The following TINAG variants were observed in gnomAD, a reference collection of about 807,000 sequenced individuals.
The protein encoded by TINAG is tubulointerstitial nephritis antigen.
In TINAG, 83 loss-of-function variants were observed where a neutral mutation model predicts 72.7. The ratio of observed to expected loss-of-function variants is 1.14; its 90% CI spans 0.96 to 1.37. TINAG has a LOEUF of 1.37. Ranked by LOEUF, TINAG falls within the 40% of genes most tolerant of loss-of-function variation. The probability of loss-of-function intolerance (pLI) is 0.00; values close to 1 mark genes in which losing one functional copy is unlikely to be tolerated. For missense variants in TINAG, 685 were observed against 576.6 expected (o/e 1.19, Z -1.93); for synonymous variants, 234 against 189.9 (o/e 1.23, Z -1.91).
chr6:54,321,177 A>G, intron 2 of TINAG, 120 bp from the exon 3 acceptor site: 1 of 779,778 alleles, frequency 1.3e-6, no homozygotes, highest in Non-Finnish European at 2.2e-6. Context: ...TCAAATAACC[A>G]TATGGCTAAC....
At chr6:54,308,087 T>A (rs1784152920), upstream of TINAG, 1 of 1,549,892 alleles carries the variant, frequency 6.5e-7, no homozygotes, top group African/African-American at 1.4e-5. Context: ...GATGTTCGTT[T>A]CAATGCAGGC....
At chr6:54,372,743 T>C (rs9367568) in intron 9 of TINAG, among the ~76,000 whole-genome samples, 1 of 9,578 alleles carries the variant, frequency 1.0e-4, no homozygotes, top group Admixed American at 4.0e-4. Context: ...TATATATATA[T>C]ATATATATAT....
Position 54,326,794 on chromosome 6 carries a change from T to C in TINAG, c.510-8T>C. On this transcript the variant is annotated splice_region_variant and splice_polypyrimidine_tract_variant and intron_variant, in intron 3 of 10. Coordinates refer to ENST00000259782, the MANE Select transcript of TINAG (RefSeq NM_014464.4). Reference sequence around the variant, plus strand: ...TTTTTCTATATTTTTCTCTCATTTGTAAGGCAGATGGACAGCACAGAATTA... The same window carrying C: ...TTTTTCTATATTTTTCTCTCATTTGCAAGGCAGATGGACAGCACAGAATTA... 18 of 1,580,626 alleles carry C rather than the reference T, an allele frequency of 1.1e-5. No individual in the cohort carries two copies. The highest frequency in any genetic ancestry group is 1.5e-5 in the Non-Finnish European group (18 of 1,167,182).
chr6:54,326,753 A>C lies in TINAG; in HGVS notation c.510-49A>C, dbSNP rs1163045745. On this transcript the variant is annotated intron_variant, in intron 3 of 10. Transcript: ENST00000259782. ...AAAATGTATTTATAAAAGTGATGTC[A>C]TATAACCTGTATATATTTTTCTATA... 5 of 1,361,058 alleles carry C rather than the reference A, an allele frequency of 3.7e-6. No individual in the cohort carries two copies. The Admixed American group carries it at 1.2e-4, about 32-fold the overall frequency. The allele number at this position is 1,361,058 out of a possible 1,614,324, so 84.3% of individuals were successfully genotyped here.
intron 4 of TINAG, among the ~76,000 whole-genome samples, chr6:54,337,066 A>G (rs1187123072): frequency 6.6e-6 from 1 of 151,992 alleles, no homozygotes; most frequent in Non-Finnish European, 1.5e-5. Context: ...TGAGAAATGG[A>G]AAATTTTTTT....
At chr6:54,312,502 A>G (rs1295532209) in intron 1 of TINAG, among the ~76,000 whole-genome samples, 1 of 152,172 alleles carries the variant, frequency 6.6e-6, no homozygotes, top group Non-Finnish European at 1.5e-5. Context: ...AATGTAGATA[A>G]GTTCCCTTTA....
In TINAG at chr6:54,310,642, CTCTT is replaced by C. The variant is rs201129448; in HGVS notation, c.355+1745_355+1748del. On this transcript the variant is annotated intron_variant, in intron 1 of 10. Transcript: ENST00000259782. Reference sequence around the variant, plus strand: ...CTCTCCCCTTCCTTCCTTCCTCCCTCTCTTTCTTTCTCTTTCTTTTTCTCTCTTT... The same window carrying C: ...CTCTCCCCTTCCTTCCTTCCTCCCTCTCTTTCTCTTTCTTTTTCTCTCTTT... Among the ~76,000 whole-genome samples the C allele has an allele frequency of 7.6e-3, 1,113 of 146,984 alleles. 18 individuals are homozygous for C. Among genetic ancestry groups the C allele is most frequent in the African/African-American group, 0.026 (1,031 of 39,650 alleles).
intron 9 of TINAG, among the ~76,000 whole-genome samples, chr6:54,378,943 G>C (rs1032722482): frequency 6.6e-6 from 1 of 152,102 alleles, no homozygotes; most frequent in Admixed American, 6.6e-5. Flanking sequence ...TGTGTCCCAA[G>C]AGCCCTACCA....
intron 1 of TINAG, among the ~76,000 whole-genome samples, chr6:54,316,954 C>T (rs778091489): frequency 2.0e-5 from 3 of 151,972 alleles, no homozygotes; most frequent in Non-Finnish European, 4.4e-5. Context: ...ACAAAACTGC[C>T]GTAATTTCAA....
Position 54,354,647 on chromosome 6 carries a change from TAAAC to T in TINAG, c.1250+15_1250+18del. The T allele has an allele frequency of 6.2e-7, 1 of 1,600,512 alleles. No homozygotes were observed. The highest frequency in any genetic ancestry group is 8.5e-7 in the Non-Finnish European group (1 of 1,175,026). On this transcript the variant is annotated intron_variant, in intron 9 of 10. Transcript: ENST00000259782. ...AGTCAAACTCACTGGGTAAGGCAATTAAACAAAATTCATTTAATTCTTTTGGAAA... is the reference window on the plus strand; with the variant it reads ...AGTCAAACTCACTGGGTAAGGCAATTAAAATTCATTTAATTCTTTTGGAAA...
At chr6:54,368,420 G>A (rs1763503200) in intron 9 of TINAG, among the ~76,000 whole-genome samples, 1 of 149,350 alleles carries the variant, frequency 6.7e-6, no homozygotes, top group African/African-American at 2.4e-5. Context: ...TATGTCAAAA[G>A]TATGCCTGAA....
intron 4 of TINAG, among the ~76,000 whole-genome samples, chr6:54,339,267 A>G (rs1784941781): frequency 6.6e-6 from 1 of 152,220 alleles, no homozygotes; most frequent in African/African-American, 2.4e-5. Flanking sequence ...GGAAGTGGGT[A>G]GCCCTGTGCT....
intron 4 of TINAG, among the ~76,000 whole-genome samples, chr6:54,332,259 C>T (rs1784759153): frequency 6.6e-6 from 1 of 152,112 alleles, no homozygotes; most frequent in Admixed American, 6.6e-5. Flanking sequence ...GGTACTTGTA[C>T]TAAAACATAT....
intron 4 of TINAG, among the ~76,000 whole-genome samples, chr6:54,328,154 C>T (rs923907387): frequency 2.6e-5 from 4 of 152,036 alleles, no homozygotes; most frequent in Admixed American, 1.3e-4. Flanking sequence ...GGTTCCTGAC[C>T]CCCCATGCCT....
chr6:54,338,692 C>G (rs554358515), intron 4 of TINAG, among the ~76,000 whole-genome samples: 10 of 144,058 alleles, frequency 6.9e-5, no homozygotes, highest in African/African-American at 2.6e-4. Flanking sequence ...CCACTGCACT[C>G]CCAGGCGACA....
Position 54,368,330 on chromosome 6 carries a change from A to T in TINAG, c.1251-12196A>T, listed in dbSNP as rs564403567. Among the ~76,000 whole-genome samples, 212 of 147,796 alleles carry T rather than the reference A, an allele frequency of 1.4e-3. 2 individuals are homozygous for T. The highest frequency in any genetic ancestry group is 5.0e-3 in the African/African-American group (205 of 40,880). ...TAAAGTAATTATTAAGTAATAATCA[A>T]ATAATAATTTAAATATTAAATAATA... On this transcript the variant is annotated intron_variant, in intron 9 of 10. Coordinates refer to ENST00000259782, the MANE Select transcript of TINAG (RefSeq NM_014464.4).
At chr6:54,328,510 G>A (rs1233104260) in intron 4 of TINAG, among the ~76,000 whole-genome samples, 1 of 152,040 alleles carries the variant, frequency 6.6e-6, no homozygotes, top group East Asian at 1.9e-4. Flanking sequence ...CACAAGATGA[G>A]GAAAAATCAG....
Position 54,347,372 on chromosome 6 carries a change from G to A in TINAG, c.754G>A (p.Ala252Thr). ...ASWAFSTASV[A>T]ADRIAIQSKG... Reference sequence around the variant, plus strand: ...TGATATTCTATTTGAAACAGGTGTGGCTGCTGACCGAATAGCAATTCAGTC... The same window carrying A: ...TGATATTCTATTTGAAACAGGTGTGACTGCTGACCGAATAGCAATTCAGTC... Residue 252 changes from alanine to threonine, a missense_variant, in exon 6 of 11, where the codon GCT becomes ACT. Physicochemically the swap from Ala to Thr is moderately conservative, Grantham distance 58 (BLOSUM62 0). Coordinates refer to ENST00000259782, the MANE Select transcript of TINAG (RefSeq NM_014464.4). The A allele has an allele frequency of 6.2e-7, 1 of 1,612,260 alleles. No homozygotes were observed. The highest frequency in any genetic ancestry group is 8.5e-7 in the Non-Finnish European group (1 of 1,179,070).
At chr6:54,340,924 C>A (rs985889967) in intron 4 of TINAG, among the ~76,000 whole-genome samples, 1 of 151,954 alleles carries the variant, frequency 6.6e-6, no homozygotes, top group African/African-American at 2.4e-5. Flanking sequence ...TTGATAGATA[C>A]GTATTTCATT....
Sources: allele counts gnomAD v4.1 joint callset (sites outside exome capture counted in the v4.1 genomes callset), GRCh38; gene constraint gnomAD v4.1.1; transcripts MANE v1.5; gene names NCBI Gene and HGNC (gene_info 2026-07-23, HGNC 2026-07-21).